The following ARMCX4 variants were observed in gnomAD, a reference collection of about 807,000 sequenced individuals.
ARMCX4 encodes the protein armadillo repeat-containing X-linked protein 4.
Under a neutral mutation model 34.7 loss-of-function variants are expected in ARMCX4, and 3 were observed. The ratio of observed to expected loss-of-function variants is 0.09; its 90% confidence interval spans 0.04 to 0.22. ARMCX4 has a LOEUF of 0.22. Ranked by LOEUF, ARMCX4 falls within the 10% of genes least tolerant of loss-of-function variation. The probability of loss-of-function intolerance (pLI) is 1.00; values close to 1 mark genes in which losing one functional copy is unlikely to be tolerated. For missense variants in ARMCX4, 1,448 were observed against 1,720.8 expected (o/e 0.84, Z 2.81); for synonymous variants, 513 against 632.8 (o/e 0.81, Z 2.84).
Position 101,489,522 on chromosome X carries a change from G to C in ARMCX4, c.933G>C (p.Glu311Asp), listed in dbSNP as rs1466586818. 2 of 1,155,890 alleles carry C rather than the reference G, an allele frequency of 1.7e-6. No homozygotes were observed. The highest frequency in any genetic ancestry group is 2.3e-6 in the Non-Finnish European group (2 of 873,022). ...ATTGTAAAACCATGTCTAGGGCAGA[G>C]TCTGGGGCAGACACGAGGGCTTCTG... ...MGNCKTMSRA[E>D]SGADTRASAQ... Residue 311 changes from glutamate to aspartate, a missense_variant, in exon 6 of 6, where the codon GAG becomes GAC. Glu to Asp is a conservative substitution (Grantham distance 45, BLOSUM62 2). This residue lies in a region of ARMCX4 where 1,343 missense variants were observed against 1,540.7 expected (regional missense o/e 0.87). Coordinates refer to ENST00000423738, the MANE Select transcript of ARMCX4 (RefSeq NM_001256155.3).
intron 7 of ARMCX4, among the ~76,000 whole-genome samples, chrX:101,502,625 A>G (rs1263131150): frequency 4.5e-5 from 5 of 111,229 alleles, no homozygotes; most frequent in African/African-American, 1.3e-4. Context: ...CAGATCCTCT[A>G]TGATAGCCAC....
At position 101,455,179 on chromosome X, in the gene ARMCX4, G is replaced by A. The variant is rs146641971; in HGVS notation, c.-473+9135G>A. ...AGGATTCCAGGTAGAAGGATGGCAG[G>A]TGCAAATGACCCAAGGTAATAGGAA... On this transcript the variant is annotated intron_variant and NMD_transcript_variant, in intron 4 of 15. Coordinates refer to the ARMCX4 transcript ENST00000433011. Among the ~76,000 whole-genome samples, 895 of 111,863 alleles carry A rather than the reference G, an allele frequency of 8.0e-3. 7 individuals carry two copies. Among genetic ancestry groups the A allele is most frequent in the African/African-American group, 0.028 (862 of 30,821 alleles).
intron 11 of ARMCX4, among the ~76,000 whole-genome samples, chrX:101,517,833 C>T (rs1431009014): frequency 2.7e-5 from 3 of 110,456 alleles, no homozygotes; most frequent in Admixed American, 9.7e-5. Context: ...GATCTAATAT[C>T]TACTCAAGGT....
At chrX:101,532,338 G>A (rs1935145468) in intron 12 of ARMCX4, 1 of 111,371 alleles carries the variant, frequency 9.0e-6, no homozygotes, top group South Asian at 3.7e-4. Flanking sequence ...GGGCTCTTAG[G>A]TATATCAGGG....
chrX:101,529,247 T>C (rs1383807833), intron 11 of ARMCX4, among the ~76,000 whole-genome samples: 1 of 111,526 alleles, frequency 9.0e-6, no homozygotes, highest in Non-Finnish European at 1.9e-5. Context: ...ATTCCCTATT[T>C]AATAAATGGT....
chrX:101,488,878 C>A lies in ARMCX4; in HGVS notation c.289C>A (p.His97Asn). The A allele has an allele frequency of 2.6e-6, 3 of 1,156,011 alleles. No homozygotes were observed. The East Asian group carries it at 9.7e-5, about 38-fold the overall frequency. ...GACCAAGGCCACTGCTATAGCCATA[C>A]ACAGAGCCAACTCTCAGGCCAAGGC... ...VETKATAIAI[H>N]RANSQAKAMV... The change falls in exon 6 of 6, where the codon CAC (histidine) becomes AAC (asparagine). Residue 97 changes from histidine to asparagine, a missense_variant. By Grantham distance (68) the His-to-Asn change is moderately conservative. Transcript: ENST00000423738.
At chrX:101,530,265 A>G (rs782376955) in intron 11 of ARMCX4, among the ~76,000 whole-genome samples, 2 of 111,635 alleles carry the variant, frequency 1.8e-5, no homozygotes, top group African/African-American at 6.5e-5. Context: ...GTTCTCACTC[A>G]TAGGTGGGAA....
chrX:101,508,468 A>G (rs1934507927), intron 8 of ARMCX4, among the ~76,000 whole-genome samples: 1 of 111,075 alleles, frequency 9.0e-6, no homozygotes, highest in African/African-American at 3.3e-5. Context: ...GTGGAGATAG[A>G]GAGAGATCTT....
chrX:101,443,856 C>T (rs1487515669), intron 2 of ARMCX4: 22 of 362,585 alleles, frequency 6.1e-5, no homozygotes, highest in Middle Eastern at 5.9e-4. Context: ...GAACCATTTG[C>T]GTTGGGTCCA....
intron 11 of ARMCX4, among the ~76,000 whole-genome samples, chrX:101,531,492 A>G (rs1556022129): frequency 8.9e-6 from 1 of 112,255 alleles, no homozygotes; most frequent in African/African-American, 3.2e-5. Flanking sequence ...AGAAGAATAG[A>G]AGTAAAAAAG....
intron 2 of ARMCX4, among the ~76,000 whole-genome samples, chrX:101,432,799 CAT>C (rs1257245895): frequency 9.8e-6 from 1 of 101,647 alleles, no homozygotes; most frequent in South Asian, 4.0e-4. Context: ...CACATATACA[CAT>C]GTATGTATAC....
chrX:101,515,381 T>TTCTTTCTTTCTTTCTTTCTTTC (rs782141206), intron 11 of ARMCX4, among the ~76,000 whole-genome samples: 6 of 12,264 alleles, frequency 4.9e-4, no homozygotes, highest in African/African-American at 8.7e-4. Flanking sequence ...CTTTCTTTCT[T>TTCTTTCTTTCTTTCTTTCTTTC]TTTCTTTCTT....
At chrX:101,534,936 A>G (rs1935195200), downstream of ARMCX4, among the ~76,000 whole-genome samples, 1 of 112,023 alleles carries the variant, frequency 8.9e-6, no homozygotes, top group Admixed American at 9.5e-5. Flanking sequence ...ATAGAATATA[A>G]AAACAATTGG....
rs782093061 is a variant in ARMCX4 at position 101,531,686 on chromosome X, A to G, written c.*1823A>G. ...ATGGAAGCTATGCCTGGACTCAACA[A>G]CACGAACTTCTACTCACCAAGGCTG... On this transcript the variant is annotated 3_prime_UTR_variant and NMD_transcript_variant, in exon 12 of 13. Coordinates refer to the ARMCX4 transcript ENST00000354842. 3 of 111,718 alleles carry G rather than the reference A, an allele frequency of 2.7e-5. No individual in the cohort carries two copies. The South Asian group carries it at 1.1e-3, about 42-fold the overall frequency. 9.2% of individuals were successfully genotyped at this position (111,718 alleles called of 1,213,427 possible).
Position 101,489,701 on chromosome X carries a change from A to C in ARMCX4, c.1112A>C (p.Glu371Ala), listed in dbSNP as rs1366414177. ...CAGACTGTGGCCAAGAAACAGGCTGAGGTGACGTCTGGTGCCAGGGTTGAT... is the reference window on the plus strand; with the variant it reads ...CAGACTGTGGCCAAGAAACAGGCTGCGGTGACGTCTGGTGCCAGGGTTGAT... The part of the protein sequence containing the change: ...QPQTVAKKQA[E>A]VTSGARVDGR... Residue 371 changes from glutamate (E) to alanine (A), a missense_variant, in exon 6 of 6, where the codon GAG becomes GCG. Glu to Ala is a moderately radical substitution (Grantham distance 107, BLOSUM62 -1). Coordinates refer to ENST00000423738, the MANE Select transcript of ARMCX4 (RefSeq NM_001256155.3). 4.4e-5 allele frequency: 51 copies of C among 1,152,675 alleles called. No homozygotes were observed. Among genetic ancestry groups the C allele is most frequent in the Non-Finnish European group, 3.8e-5 (33 of 871,902 alleles). 95.0% of individuals were successfully genotyped at this position (1,152,675 alleles called of 1,213,427 possible). A position where few individuals can be genotyped will look rare whatever the true frequency, so the allele number is the denominator to read the frequency against.
intron 11 of ARMCX4, among the ~76,000 whole-genome samples, chrX:101,525,112 G>A (rs1934936840): frequency 9.0e-6 from 1 of 111,541 alleles, no homozygotes; most frequent in Non-Finnish European, 1.9e-5. Context: ...GAAGGATCAG[G>A]CAACAACATT....
chrX:101,436,500 C>T (rs1930783766), intron 2 of ARMCX4, among the ~76,000 whole-genome samples: 1 of 111,250 alleles, frequency 9.0e-6, no homozygotes, highest in East Asian at 2.8e-4. Flanking sequence ...ATTTTGTATC[C>T]TGAGACTTTG....
At chrX:101,474,543 T>C (rs1229097072) in intron 4 of ARMCX4, among the ~76,000 whole-genome samples, 5 of 101,473 alleles carry the variant, frequency 4.9e-5, no homozygotes, top group Non-Finnish European at 1.0e-4. Flanking sequence ...TGATGAACAT[T>C]GATGCAAAAA....
chrX:101,460,031 G>A (rs1411260326), intron 4 of ARMCX4, among the ~76,000 whole-genome samples: 20 of 112,910 alleles, frequency 1.8e-4, no homozygotes, highest in African/African-American at 6.4e-4. Flanking sequence ...CCCAGGTAAT[G>A]CTGATGCTAC....
Sources: allele counts gnomAD v4.1 joint callset (sites outside exome capture counted in the v4.1 genomes callset), GRCh38; gene constraint gnomAD v4.1.1; regional missense constraint gnomAD v4.1.1; transcripts MANE v1.5; gene names NCBI Gene and HGNC (gene_info 2026-07-23, HGNC 2026-07-21).